The following USP30 variants were observed in gnomAD, a reference collection of about 807,000 sequenced individuals.
USP30 encodes the protein ubiquitin carboxyl-terminal hydrolase 30.
In USP30, 41 loss-of-function variants were observed where a neutral mutation model predicts 68.2. The ratio of observed to expected loss-of-function variants is 0.60; its 90% CI spans 0.47 to 0.78. USP30 has a LOEUF of 0.78. USP30 is among the 30% of genes least tolerant of loss of function. The probability of loss-of-function intolerance (pLI) is 0.00; values close to 1 mark genes in which losing one functional copy is unlikely to be tolerated. For missense variants in USP30, 522 were observed against 649.4 expected (o/e 0.80, Z 2.13); for synonymous variants, 229 against 253.7 (o/e 0.90, Z 0.93).
intron 2 of USP30, among the ~76,000 whole-genome samples, chr12:109,025,990 C>T (rs529188322): frequency 6.6e-6 from 1 of 151,788 alleles, no homozygotes; most frequent in African/African-American, 2.4e-5. Flanking sequence ...TGGCATGAAG[C>T]GTTTTTTAAG....
chr12:109,083,276 A>G (rs1238207133), intron 11 of USP30, among the ~76,000 whole-genome samples: 1 of 152,206 alleles, frequency 6.6e-6, no homozygotes, highest in Non-Finnish European at 1.5e-5. Context: ...TTTTGAAACC[A>G]TATTACAGAT....
At chr12:109,067,030 T>G (rs1210732666) in intron 3 of USP30, among the ~76,000 whole-genome samples, 5 of 151,646 alleles carry the variant, frequency 3.3e-5, no homozygotes, top group African/African-American at 1.2e-4. Context: ...AAATGCCTAA[T>G]AGAGTACTAA....
Position 109,053,959 on chromosome 12 carries a change from A to C in USP30, c.83+1198A>C, listed in dbSNP as rs1174782427. 6.6e-6 allele frequency: 3 copies of C among 455,536 alleles called. No individual in the cohort carries two copies. In the Admixed American group the frequency reaches 7.1e-5, roughly 11 times the overall value. 28.2% of individuals were successfully genotyped at this position (455,536 alleles called of 1,614,324 possible). Reference sequence around the variant, plus strand: ...GAGCCATGTTCCTTCACTCACTGTGACCAAGTTGGGCTCTTAGTTTCTTCT... The same window carrying C: ...GAGCCATGTTCCTTCACTCACTGTGCCCAAGTTGGGCTCTTAGTTTCTTCT... On this transcript the variant is annotated intron_variant, in intron 1 of 12. Coordinates refer to ENST00000257548, the MANE Select transcript of USP30 (RefSeq NM_032663.5).
intron 3 of USP30, chr12:109,059,902 A>G (rs1453996777): frequency 6.6e-6 from 1 of 152,212 alleles, no homozygotes; most frequent in Non-Finnish European, 1.5e-5. Flanking sequence ...ACAGAGTGCA[A>G]TGTATGCACA....
intron 1 of USP30, 66 bp from the exon 2 acceptor site, chr12:109,056,616 C>T: frequency 1.7e-6 from 2 of 1,156,844 alleles, no homozygotes; most frequent in South Asian, 1.4e-5. Context: ...GTTATTCTGT[C>T]TATATCTGTA....
chr12:109,068,967 A>C (rs1397282354), intron 4 of USP30, among the ~76,000 whole-genome samples: 3 of 152,238 alleles, frequency 2.0e-5, no homozygotes, highest in Non-Finnish European at 4.4e-5. Context: ...CTAGAGCTTC[A>C]GAGGATGCAT....
chr12:109,055,622 A>G (rs1376704456), intron 1 of USP30, among the ~76,000 whole-genome samples: 2 of 147,508 alleles, frequency 1.4e-5, no homozygotes, highest in Admixed American at 7.0e-5. Context: ...CTGGTCTCCC[A>G]CTGACCTCAG....
chr12:109,046,547 A>G (rs557942063), intron 3 of USP30, among the ~76,000 whole-genome samples: 6 of 152,302 alleles, frequency 3.9e-5, no homozygotes, highest in Admixed American at 2.0e-4. Flanking sequence ...ACCATCTCAC[A>G]GAAACATCCA....
At chr12:109,082,488 A>G (rs573432696) in intron 9 of USP30, 175 bp from the exon 10 acceptor site, 1 of 612,554 alleles carries the variant, frequency 1.6e-6, no homozygotes, top group East Asian at 2.8e-5. Flanking sequence ...TCTGTTATTT[A>G]ATGACTAAGA....
chr12:109,060,401 G>C (rs1223520952), intron 3 of USP30, among the ~76,000 whole-genome samples: 1 of 152,182 alleles, frequency 6.6e-6, no homozygotes, highest in Non-Finnish European at 1.5e-5. Context: ...GCTAAATCGT[G>C]CTTCACTGAG....
intron 5 of USP30, among the ~76,000 whole-genome samples, chr12:109,072,080 T>C (rs1017570523): frequency 6.6e-6 from 1 of 152,184 alleles, no homozygotes; most frequent in African/African-American, 2.4e-5. Flanking sequence ...ATGAAAATAT[T>C]CTGGAGAGAA....
intron 7 of USP30, among the ~76,000 whole-genome samples, chr12:109,074,162 C>A (rs1566099733): frequency 6.6e-6 from 1 of 152,178 alleles, no homozygotes; most frequent in African/African-American, 2.4e-5. Flanking sequence ...TTTCATTTAG[C>A]ATAATATTTC....
chr12:109,049,197 A>G (rs1156947980), upstream of USP30, among the ~76,000 whole-genome samples: 1 of 152,214 alleles, frequency 6.6e-6, no homozygotes, highest in African/African-American at 2.4e-5. Context: ...CTTTCAGCCT[A>G]TCCTGACTTT....
intron 3 of USP30, among the ~76,000 whole-genome samples, chr12:109,034,592 A>G (rs1485454120): frequency 1.3e-5 from 2 of 152,128 alleles, no homozygotes; most frequent in African/African-American, 2.4e-5. Flanking sequence ...GAGAAAATGC[A>G]TTCTGCTGCT....
In USP30 at chr12:109,084,848, T is replaced by C. The variant is rs1161881205; in HGVS notation, c.1169-105T>C. The C allele has an allele frequency of 2.7e-5, 35 of 1,278,602 alleles. 1 individual carries two copies. The East Asian group carries it at 8.3e-4, about 30-fold the overall frequency. 79.2% of individuals were successfully genotyped at this position (1,278,602 alleles called of 1,614,324 possible). A position where few individuals can be genotyped will look rare whatever the true frequency, so the allele number is the denominator to read the frequency against. On this transcript the variant is annotated intron_variant, in intron 11 of 12. Transcript: ENST00000257548. Reference sequence around the variant, plus strand: ...ATAATACCAAATGAAATAGATTTTTTTCTTTGTAGCATTATGGGGAGTTAA... The same window carrying C: ...ATAATACCAAATGAAATAGATTTTTCTCTTTGTAGCATTATGGGGAGTTAA...
At chr12:109,042,288 G>T (rs923661031) in intron 3 of USP30, among the ~76,000 whole-genome samples, 2 of 151,564 alleles carry the variant, frequency 1.3e-5, no homozygotes, top group Non-Finnish European at 2.9e-5. Context: ...AATAAATATT[G>T]CATGGAGATG....
chr12:109,064,691 T>C (rs1188311694), intron 3 of USP30, among the ~76,000 whole-genome samples: 3 of 152,246 alleles, frequency 2.0e-5, no homozygotes, highest in Non-Finnish European at 2.9e-5. Context: ...AACATCCTTA[T>C]ACATATCCCT....
Position 109,035,117 on chromosome 12 carries a change from TA to T in USP30, c.-136+7567del, listed in dbSNP as rs1003212824. ...GAATATAATACACTCAAATTTAATG[TA>T]AAAAATTAATGTAATCACCAATAAT... On this transcript the variant is annotated intron_variant, in intron 3 of 15. Transcript: ENST00000392784. 1.5e-3 allele frequency among the ~76,000 whole-genome samples: 234 copies of T among 152,296 alleles called. 3 individuals carry two copies. The highest frequency in any genetic ancestry group is 6.6e-4 in the Non-Finnish European group (45 of 68,024).
At chr12:109,028,878 C>T (rs1018228430) in intron 3 of USP30, among the ~76,000 whole-genome samples, 13 of 152,210 alleles carry the variant, frequency 8.5e-5, no homozygotes, top group African/African-American at 3.1e-4. Flanking sequence ...ATCCAAACAC[C>T]TCCCACTAGG....
Sources: allele counts gnomAD v4.1 joint callset (sites outside exome capture counted in the v4.1 genomes callset), GRCh38; gene constraint gnomAD v4.1.1; transcripts MANE v1.5; gene names NCBI Gene and HGNC (gene_info 2026-07-23, HGNC 2026-07-21).